SLCO1B1: variants seen among roughly 807,000 people sequenced by gnomAD.
SLCO1B1 encodes the protein OATP-2.
Under a neutral mutation model 70.1 loss-of-function variants are expected in SLCO1B1, and 81 were observed. The ratio of observed to expected loss-of-function variants is 1.16; its 90% confidence interval spans 0.97 to 1.39. SLCO1B1 has a LOEUF of 1.39. SLCO1B1 is among the 40% of genes most tolerant of loss of function. The probability of loss-of-function intolerance (pLI) is 0.00; values close to 1 mark genes in which losing one functional copy is unlikely to be tolerated. For missense variants in SLCO1B1, 895 were observed against 799.6 expected, an observed-to-expected ratio of 1.12 and a Z score of -1.44; for synonymous variants, 283 against 271.5, an observed-to-expected ratio of 1.04 and a Z score of -0.42.
rs193288164 is a variant in SLCO1B1 at position 21,137,585 on chromosome 12, G to A, written c.-61-3929G>A. ...GCTGCCACCTTGCAGTTTGATCTTG[G>A]ATGGCTGTGCTTGCAATGAGCGAGA... On this transcript the variant is annotated intron_variant, in intron 1 of 14. Coordinates refer to ENST00000256958, the MANE Select transcript of SLCO1B1 (RefSeq NM_006446.5). Among the ~76,000 whole-genome samples, 394 of 152,252 alleles carry A rather than the reference G, an allele frequency of 2.6e-3. 2 individuals carry two copies. Among genetic ancestry groups the A allele is most frequent in the African/African-American group, 9.0e-3 (375 of 41,548 alleles).
In SLCO1B1 at chr12:21,196,954, A is replaced by G; in HGVS notation, c.736A>G (p.Arg246Gly). The change falls in exon 8 of 15, where the codon AGG (arginine) becomes GGG (glycine). Residue 246 changes from arginine to glycine, a missense_variant. Arg to Gly is a moderately radical substitution (Grantham distance 125). Coordinates refer to ENST00000256958, the MANE Select transcript of SLCO1B1 (RefSeq NM_006446.5). ...ATAATTATTTATTCTAGGCACTATC[A>G]GGATAACTCCTACTGATTCTCGATG... ...DIGYVDLSTI[R>G]ITPTDSRWVG... 1.9e-6 allele frequency: 3 copies of G among 1,613,326 alleles called. No individual in the cohort carries two copies. Among genetic ancestry groups the G allele is most frequent in the South Asian group, 2.2e-5 (2 of 91,048 alleles).
At chr12:21,202,197 C>T (rs572672428) in intron 9 of SLCO1B1, among the ~76,000 whole-genome samples, 4 of 152,000 alleles carry the variant, frequency 2.6e-5, no homozygotes, top group East Asian at 3.9e-4. Context: ...CATCACACAC[C>T]GGGGACTGTT....
intron 1 of SLCO1B1, among the ~76,000 whole-genome samples, chr12:21,137,962 AT>A (rs1468929977): frequency 1.3e-5 from 2 of 152,130 alleles, no homozygotes; most frequent in African/African-American, 4.8e-5. Context: ...AGCTGTTCCT[AT>A]TTGGCCATCT....
intron 7 of SLCO1B1, among the ~76,000 whole-genome samples, chr12:21,182,542 G>A (rs1203528806): frequency 6.6e-6 from 1 of 152,106 alleles, no homozygotes; most frequent in African/African-American, 2.4e-5. Context: ...CTGCCCGCCA[G>A]TCCCTCCCAG....
chr12:21,192,307 T>G (rs185628869), intron 7 of SLCO1B1, among the ~76,000 whole-genome samples: 124 of 151,906 alleles, frequency 8.2e-4, no homozygotes, highest in Non-Finnish European at 1.5e-3. Flanking sequence ...AATCTCTTTA[T>G]ATTTTCTATA....
At chr12:21,133,604 G>A (rs935488638) in intron 1 of SLCO1B1, among the ~76,000 whole-genome samples, 1 of 151,996 alleles carries the variant, frequency 6.6e-6, no homozygotes, top group African/African-American at 2.4e-5. Context: ...ATTGTGAATG[G>A]GAGTTCACTC....
At chr12:21,182,130 A>T (rs1365820590) in intron 7 of SLCO1B1, among the ~76,000 whole-genome samples, 1 of 152,162 alleles carries the variant, frequency 6.6e-6, no homozygotes, top group Non-Finnish European at 1.5e-5. Context: ...CTGAGGCTGA[A>T]GAGAGAGAAA....
At chr12:21,150,136 C>T (rs1329101244) in intron 2 of SLCO1B1, among the ~76,000 whole-genome samples, 2 of 152,170 alleles carry the variant, frequency 1.3e-5, no homozygotes, top group African/African-American at 4.8e-5. Flanking sequence ...GCCAGACTGC[C>T]TCTCTAGATT....
At chr12:21,202,829 A>G (rs954663180) in intron 10 of SLCO1B1, 143 bp downstream of exon 10, 4 of 673,152 alleles carry the variant, frequency 5.9e-6, no homozygotes, top group African/African-American at 3.6e-5. Flanking sequence ...TTTTTAAAAT[A>G]TCTGTTTCTT....
At chr12:21,176,732 T>C (rs1448526402) in intron 4 of SLCO1B1, 44 bp from the exon 5 acceptor site, 1 of 1,421,318 alleles carries the variant, frequency 7.0e-7, no homozygotes, top group Admixed American at 1.7e-5. Flanking sequence ...AGTGAAAATA[T>C]TCAGTAGATA....
At chr12:21,195,290 T>A (rs1293445673) in intron 7 of SLCO1B1, among the ~76,000 whole-genome samples, 1 of 152,194 alleles carries the variant, frequency 6.6e-6, no homozygotes, top group Non-Finnish European at 1.5e-5. Flanking sequence ...TAGGGTCTCA[T>A]GAGCACTTTT....
intron 2 of SLCO1B1, among the ~76,000 whole-genome samples, chr12:21,163,641 T>C (rs1940649437): frequency 6.6e-6 from 1 of 152,138 alleles, no homozygotes; most frequent in Non-Finnish European, 1.5e-5. Context: ...ATGGTTAGCT[T>C]CTGGTGACAG....
At chr12:21,238,847 A>C (rs916470234) in intron 14 of SLCO1B1, 132 bp from the exon 15 acceptor site, 2 of 507,208 alleles carry the variant, frequency 3.9e-6, no homozygotes, top group Admixed American at 3.6e-5. Flanking sequence ...AATAAAAAGA[A>C]TTATTAGAAT....
intron 2 of SLCO1B1, among the ~76,000 whole-genome samples, chr12:21,166,147 C>CCGAGAA (rs1213843125): frequency 6.6e-6 from 1 of 151,648 alleles, no homozygotes; most frequent in Non-Finnish European, 1.5e-5. Context: ...AAAAAAGTGG[C>CCGAGAA]CGAGAACGTC....
At chr12:21,131,993 C>A (rs779597802) in intron 1 of SLCO1B1, among the ~76,000 whole-genome samples, 18 of 152,120 alleles carry the variant, frequency 1.2e-4, no homozygotes, top group Non-Finnish European at 1.6e-4. Context: ...CCCTCTCCCC[C>A]ACCCCACAAC....
chr12:21,222,532 T>C (rs1941441323), intron 13 of SLCO1B1, among the ~76,000 whole-genome samples, 168 bp downstream of exon 13: 1 of 150,354 alleles, frequency 6.7e-6, no homozygotes, highest in African/African-American at 2.4e-5. Context: ...TTAGTATCCT[T>C]TCTATTTCTG....
At chr12:21,135,391 T>C (rs946230071) in intron 1 of SLCO1B1, among the ~76,000 whole-genome samples, 1 of 152,138 alleles carries the variant, frequency 6.6e-6, no homozygotes, top group Non-Finnish European at 1.5e-5. Flanking sequence ...GGTATCCTTG[T>C]TAACTTTCTG....
chr12:21,182,281 C>T (rs1322748522), intron 7 of SLCO1B1, among the ~76,000 whole-genome samples: 1 of 152,082 alleles, frequency 6.6e-6, no homozygotes, highest in Non-Finnish European at 1.5e-5. Flanking sequence ...CAAGAGAACC[C>T]ACGACCCCCA....
At position 21,239,066 on chromosome 12, in the gene SLCO1B1, T is replaced by C. The variant is rs542187328; in HGVS notation, c.1953T>C (p.Tyr651=). 6.3e-7 allele frequency: 1 copy of C among 1,595,850 alleles called. No homozygotes were observed. The highest frequency in any genetic ancestry group is 2.2e-5 in the East Asian group (1 of 44,652). The change falls in exon 15 of 15, where the codon TAT becomes TAC. Residue 651 remains tyrosine (Y), a synonymous_variant. Coordinates refer to ENST00000256958, the MANE Select transcript of SLCO1B1 (RefSeq NM_006446.5). The part of the protein sequence containing the change: ...IILIYAMKKK[Y]QEKDINASEN... ...TAATTTATGCCATGAAGAAAAAATA[T>C]CAAGAGAAAGATATCAATGCATCAG...
Sources: gnomAD v4.1 joint callset for allele counts (sites outside exome capture counted in the v4.1 genomes callset) on GRCh38, gnomAD v4.1.1 for gene constraint, MANE v1.5 for transcripts, NCBI Gene and HGNC (gene_info 2026-07-23, HGNC 2026-07-21) for gene names.